PRP4K: variants seen among roughly 807,000 people sequenced by gnomAD.
PRP4K encodes the protein serine/threonine-protein kinase PRP4 homolog.
the PRP4K span, among the ~76,000 whole-genome samples, chr6:4,052,366 GTC>G: frequency 6.6e-6 from 1 of 152,136 alleles, no homozygotes; most frequent in East Asian, 1.9e-4. Context: ...TCAACAGAGA[GTC>G]TCTCTTAAAA....
chr6:4,032,348 C>T, the PRP4K span: 7 of 1,613,720 alleles, frequency 4.3e-6, no homozygotes, highest in South Asian at 7.7e-5. Context: ...GGAAAAAATC[C>T]CCAATTATAA....
At chr6:4,032,172 G>A in the PRP4K span, 1 of 1,613,884 alleles carries the variant, frequency 6.2e-7, no homozygotes, top group Non-Finnish European at 8.5e-7. Flanking sequence ...CAAGTCAAAG[G>A]AGAGGAAAAA....
the PRP4K span, chr6:4,050,389 C>T: frequency 1.6e-6 from 1 of 617,374 alleles, no homozygotes; most frequent in Non-Finnish European, 2.6e-6. Context: ...ACTGGAACAA[C>T]AGGCTGATTA....
the PRP4K span, among the ~76,000 whole-genome samples, chr6:4,046,475 T>C: frequency 6.6e-6 from 1 of 152,190 alleles, no homozygotes; most frequent in African/African-American, 2.4e-5. Flanking sequence ...TGTGGGATTA[T>C]TGGACTTTTA....
the PRP4K span, among the ~76,000 whole-genome samples, chr6:4,047,945 C>G: frequency 7.4e-6 from 1 of 135,996 alleles, no homozygotes; most frequent in African/African-American, 2.6e-5. Context: ...CACACACACA[C>G]AGAGCAATAG....
At chr6:4,032,077 G>T in the PRP4K span, 2 of 1,613,852 alleles carry the variant, frequency 1.2e-6, no homozygotes, top group Non-Finnish European at 1.7e-6. Context: ...AGTAAAAGCA[G>T]ATCCAAAGAA....
chr6:4,053,113 A>G, the PRP4K span, among the ~76,000 whole-genome samples: 2 of 152,320 alleles, frequency 1.3e-5, no homozygotes, highest in Admixed American at 1.3e-4. Context: ...TGACTGATAG[A>G]TTTAAAGTGT....
chr6:4,037,659 G>A, the PRP4K span: 2 of 1,274,438 alleles, frequency 1.6e-6, no homozygotes, highest in African/African-American at 1.5e-5. Context: ...TTTTAGACCA[G>A]TTTTCTCTGA....
the PRP4K span, chr6:4,031,936 A>G: frequency 6.2e-7 from 1 of 1,614,098 alleles, no homozygotes; most frequent in Non-Finnish European, 8.5e-7. Flanking sequence ...TTGCAAGGTT[A>G]TGAGTCTGGC....
chr6:4,051,834 A>C, the PRP4K span: 1 of 610,116 alleles, frequency 1.6e-6, no homozygotes. Flanking sequence ...ATTAGTACTT[A>C]AAAATATACA....
At chr6:4,041,011 C>T in the PRP4K span, 2 of 1,335,002 alleles carry the variant, frequency 1.5e-6, no homozygotes, top group Non-Finnish European at 2.1e-6. Flanking sequence ...TAATATCCAC[C>T]TAAATATTAT....
At chr6:4,060,383 A>G in the PRP4K span, 1 of 1,582,650 alleles carries the variant, frequency 6.3e-7, no homozygotes. The surrounding 1 kb of genome is among the most constrained non-coding windows in gnomAD (Gnocchi z 4.7). Context: ...TAACTTATTT[A>G]GAGATACGCA....
chr6:4,038,405 T>G, the PRP4K span, among the ~76,000 whole-genome samples: 1 of 151,700 alleles, frequency 6.6e-6, no homozygotes, highest in Non-Finnish European at 1.5e-5. Flanking sequence ...TGCCTCAGCC[T>G]CTCAAGTAGC....
chr6:4,041,891 C>T, the PRP4K span, among the ~76,000 whole-genome samples: 117 of 152,318 alleles, frequency 7.7e-4, no homozygotes, highest in African/African-American at 2.7e-3. Context: ...TTTGCCTATT[C>T]TTCTGCAGCG....
At chr6:4,030,294 GT>G in the PRP4K span, among the ~76,000 whole-genome samples, 2 of 152,028 alleles carry the variant, frequency 1.3e-5, no homozygotes, top group Non-Finnish European at 2.9e-5. Flanking sequence ...TGGTTGGTGA[GT>G]TTTTTTTAAA....
chr6:4,023,570 G>A, the PRP4K span, among the ~76,000 whole-genome samples: 1 of 152,126 alleles, frequency 6.6e-6, no homozygotes, highest in African/African-American at 2.4e-5. Context: ...GTCCCAGAAA[G>A]ATACATTTTT....
At chr6:4,037,725 T>C in the PRP4K span, among the ~76,000 whole-genome samples, 1 of 152,174 alleles carries the variant, frequency 6.6e-6, no homozygotes, top group African/African-American at 2.4e-5. Context: ...TACACATGGG[T>C]TTTCTTTTAT....
the PRP4K span, chr6:4,052,808 C>T: frequency 6.2e-7 from 1 of 1,611,096 alleles, no homozygotes; most frequent in Non-Finnish European, 8.5e-7. Context: ...GCAGTTGTTC[C>T]TGGCATTGAA....
the PRP4K span, chr6:4,063,299 A>C: frequency 6.6e-6 from 1 of 152,072 alleles, no homozygotes; most frequent in Non-Finnish European, 1.5e-5. Flanking sequence ...CCCCTCCCCC[A>C]GTTTCTCCTC....
Sources: gnomAD v4.1 joint callset for allele counts (sites outside exome capture counted in the v4.1 genomes callset) on GRCh38, gnomAD v4.1.1 for gene constraint, Gnocchi (gnomAD v3.1) non-coding constraint, MANE v1.5 for transcripts, NCBI Gene and HGNC (gene_info 2026-07-23, HGNC 2026-07-21) for gene names.